OLFML1: variants seen among roughly 807,000 people sequenced by gnomAD.
OLFML1 encodes olfactomedin like 1, also known as olfactomedin-like protein 1.
Under a neutral mutation model 37.3 loss-of-function variants are expected in OLFML1, and 33 were observed. That is an observed-to-expected ratio of 0.88 (90% confidence interval 0.67 to 1.18). The LOEUF is 1.18. Ranked by LOEUF, OLFML1 falls within the 50% of genes most tolerant of loss-of-function variation. The pLI is 0.00. For synonymous variants in OLFML1, 186 were observed against 181.3 expected, an observed-to-expected ratio of 1.03 and a Z score of -0.21; for missense variants, 545 against 483.7, an observed-to-expected ratio of 1.13 and a Z score of -1.19.
intron 2 of OLFML1, among the ~76,000 whole-genome samples, chr11:7,499,712 T>C (rs1034140839): frequency 6.6e-6 from 1 of 152,230 alleles, no homozygotes; most frequent in African/African-American, 2.4e-5. Flanking sequence ...GGGGGAATTC[T>C]GTTTCTTTTT....
At chr11:7,491,108 T>C (rs1240598648) in intron 2 of OLFML1, among the ~76,000 whole-genome samples, 4 of 149,494 alleles carry the variant, frequency 2.7e-5, no homozygotes, top group African/African-American at 9.7e-5. Context: ...TGTATATATG[T>C]ATTAAAATAT....
intron 2 of OLFML1, among the ~76,000 whole-genome samples, chr11:7,490,038 A>C (rs2134175970): frequency 6.6e-6 from 1 of 150,752 alleles, no homozygotes; most frequent in East Asian, 2.0e-4. Context: ...TCTATTCAAT[A>C]AATAGTTTTC....
chr11:7,505,102 A>AT (rs10642637), intron 2 of OLFML1, among the ~76,000 whole-genome samples: 7,683 of 142,830 alleles, frequency 0.054, 245 homozygotes, highest in Non-Finnish European at 0.074. Context: ...TAATTATTGT[A>AT]TTTTTTTTTT....
At chr11:7,496,961 T>C (rs546588067) in intron 2 of OLFML1, among the ~76,000 whole-genome samples, 158 of 152,202 alleles carry the variant, frequency 1.0e-3, no homozygotes, top group African/African-American at 3.6e-3. Flanking sequence ...AGCTGGAAGG[T>C]CTAGGCTGCA....
At position 7,488,160 on chromosome 11, in the gene OLFML1, G is replaced by A. The variant is rs762519189; in HGVS notation, c.163G>A (p.Ala55Thr). Reference sequence around the variant, plus strand: ...GGAAAAATGTACCCAAGCAACGAGGGCATACATTCAAGAATTCCAAGAGTT... The same window carrying A: ...GGAAAAATGTACCCAAGCAACGAGGACATACATTCAAGAATTCCAAGAGTT... ...GLEKCTQATR[A>T]YIQEFQEFSK... The change falls in exon 2 of 3, where the codon GCA becomes ACA. Residue 55 changes from alanine (A) to threonine (T), a missense_variant. By Grantham distance (58) the Ala-to-Thr change is moderately conservative (BLOSUM62 0). Coordinates refer to ENST00000329293, the MANE Select transcript of OLFML1 (RefSeq NM_198474.4). The A allele has an allele frequency of 3.7e-6, 6 of 1,612,830 alleles. No homozygotes were observed. The highest frequency in any genetic ancestry group is 2.2e-5 in the South Asian group (2 of 90,974).
rs759373016 is a variant in OLFML1 at position 7,510,088 on chromosome 11, T to G, written c.1109T>G (p.Met370Arg). 5 of 1,614,252 alleles carry G rather than the reference T, an allele frequency of 3.1e-6. No homozygotes were observed. In the East Asian group the frequency reaches 1.1e-4, roughly 36 times the overall value. Residue 370 changes from methionine to arginine, a missense_variant, in exon 3 of 3, where the codon ATG (methionine) becomes AGG (arginine). Coordinates refer to ENST00000329293, the MANE Select transcript of OLFML1 (RefSeq NM_198474.4). Reference sequence around the variant, plus strand: ...CCCAAGAGACCAAGAAGTCACTCCATGATCCATTACAACCCCAGAGATAAG... The same window carrying G: ...CCCAAGAGACCAAGAAGTCACTCCAGGATCCATTACAACCCCAGAGATAAG... ...FFPKRPRSHS[M>R]IHYNPRDKQL... is the part of the protein sequence containing the mutation.
chr11:7,506,397 T>C (rs913733492), intron 2 of OLFML1, among the ~76,000 whole-genome samples: 1 of 152,142 alleles, frequency 6.6e-6, no homozygotes, highest in Non-Finnish European at 1.5e-5. Flanking sequence ...GGGGAACAAC[T>C]AAAGAAAAGT....
chr11:7,486,165 C>T (rs908780340), intron 1 of OLFML1, among the ~76,000 whole-genome samples, 161 bp downstream of exon 1: 3 of 152,162 alleles, frequency 2.0e-5, no homozygotes, highest in African/African-American at 4.8e-5. Flanking sequence ...AGTTTAGAGC[C>T]GAACTCCAGA....
At chr11:7,500,090 A>G (rs1055578865) in intron 2 of OLFML1, among the ~76,000 whole-genome samples, 1 of 152,112 alleles carries the variant, frequency 6.6e-6, no homozygotes, top group African/African-American at 2.4e-5. Context: ...ACGAGGTCTC[A>G]CTATGTTGCG....
intron 2 of OLFML1, among the ~76,000 whole-genome samples, chr11:7,490,993 TAAGA>T (rs1373948555): frequency 1.3e-5 from 2 of 152,146 alleles, no homozygotes; most frequent in African/African-American, 4.8e-5. Context: ...TTCTTTTACA[TAAGA>T]AAGGCCCTTT....
At chr11:7,503,823 G>A (rs1322249383) in intron 2 of OLFML1, among the ~76,000 whole-genome samples, 1 of 152,214 alleles carries the variant, frequency 6.6e-6, no homozygotes, top group East Asian at 1.9e-4. Flanking sequence ...GGCAGAGAAT[G>A]TAGGGTTGGG....
intron 2 of OLFML1, among the ~76,000 whole-genome samples, chr11:7,502,847 C>G (rs1848739855): frequency 6.6e-6 from 1 of 152,186 alleles, no homozygotes; most frequent in Non-Finnish European, 1.5e-5. Flanking sequence ...CTTAGGTGAT[C>G]TGCCCACCTT....
chr11:7,508,416 G>A (rs1170316592), intron 2 of OLFML1, among the ~76,000 whole-genome samples: 1 of 152,136 alleles, frequency 6.6e-6, no homozygotes, highest in East Asian at 1.9e-4. Context: ...TTTGTTTGCT[G>A]TCTGGAATGC....
At chr11:7,488,439 A>T in intron 2 of OLFML1, 24 bp downstream of exon 2, 1 of 1,581,810 alleles carries the variant, frequency 6.3e-7, no homozygotes, top group Non-Finnish European at 8.6e-7. Flanking sequence ...ATCTTTTCCT[A>T]GCCCTTCTAG....
At position 7,485,925 on chromosome 11, in the gene OLFML1, C is replaced by T; in HGVS notation, c.50C>T (p.Ala17Val). The T allele has an allele frequency of 6.2e-7, 1 of 1,613,980 alleles. No individual in the cohort carries two copies. The highest frequency in any genetic ancestry group is 1.1e-5 in the South Asian group (1 of 91,072). Residue 17 changes from alanine to valine, a missense_variant, in exon 1 of 3, where the codon GCA becomes GTA. Ala to Val is a moderately conservative substitution (Grantham distance 64, BLOSUM62 0). Transcript: ENST00000329293. ...GASALLVLFLAAFLPPPQCTQ... is the reference protein window; with the variant it reads ...GASALLVLFLVAFLPPPQCTQ... ...TCTGCATTGCTGGTTCTGTTCCTTG[C>T]AGCTTTTCTGCCCCCGCCGCAGTGT...
In OLFML1 at chr11:7,510,109, A is replaced by G. The variant is rs1341454652; in HGVS notation, c.1130A>G (p.Asp377Gly). Residue 377 changes from aspartate (D) to glycine (G), a missense_variant, in exon 3 of 3, where the codon GAT becomes GGT. Coordinates refer to ENST00000329293, the MANE Select transcript of OLFML1 (RefSeq NM_198474.4). ...SHSMIHYNPR[D>G]KQLYAWNEGN... ...TCCATGATCCATTACAACCCCAGAG[A>G]TAAGCAGCTCTATGCCTGGAATGAA... The G allele has an allele frequency of 6.2e-7, 1 of 1,614,214 alleles. No individual in the cohort carries two copies. The highest frequency in any genetic ancestry group is 1.1e-5 in the South Asian group (1 of 91,090).
At chr11:7,508,818 A>AACATTGTAACCTAAG (rs1358631316) in intron 2 of OLFML1, among the ~76,000 whole-genome samples, 2 of 152,244 alleles carry the variant, frequency 1.3e-5, no homozygotes, top group Admixed American at 6.5e-5. Flanking sequence ...CCATTCTGGA[A>AACATTGTAACCTAAG]ACATTGTAAC....
chr11:7,492,968 CTT>C (rs568838756), intron 2 of OLFML1, among the ~76,000 whole-genome samples: 20 of 152,254 alleles, frequency 1.3e-4, no homozygotes, highest in African/African-American at 4.8e-4. Flanking sequence ...GTCTGATACT[CTT>C]TGGAAGATTT....
intron 2 of OLFML1, among the ~76,000 whole-genome samples, chr11:7,503,438 A>G (rs1178753080): frequency 1.3e-5 from 2 of 152,244 alleles, no homozygotes; most frequent in Non-Finnish European, 2.9e-5. Context: ...ATTTGGCTGT[A>G]AAGTTGATAA....
Sources: gnomAD v4.1 joint callset for allele counts (sites outside exome capture counted in the v4.1 genomes callset) on GRCh38, gnomAD v4.1.1 for gene constraint, MANE v1.5 for transcripts, NCBI Gene and HGNC (gene_info 2026-07-23, HGNC 2026-07-21) for gene names.